Variants in ARHGEF10L observed in about 807,000 individuals in gnomAD.
ARHGEF10L encodes Rho guanine nucleotide exchange factor 10 like, also known as rho guanine nucleotide exchange factor 10-like protein.
In ARHGEF10L, 69 loss-of-function variants were observed where a neutral mutation model predicts 141.2. That is an observed-to-expected ratio of 0.49 (90% confidence interval 0.40 to 0.60). The LOEUF is 0.60. Ranked by LOEUF, ARHGEF10L falls within the 20% of genes least tolerant of loss-of-function variation. ARHGEF10L has a pLI of 0.00. For synonymous variants in ARHGEF10L, 711 were observed against 718.5 expected (o/e 0.99, Z 0.17); for missense variants, 1,482 against 1,734.3 (o/e 0.85, Z 2.58).
At chr1:17,609,097 A>G (rs1174300052) in intron 7 of ARHGEF10L, among the ~76,000 whole-genome samples, 3 of 152,258 alleles carry the variant, frequency 2.0e-5, no homozygotes, top group Admixed American at 2.0e-4. Flanking sequence ...GCTCCTTTTA[A>G]AAGATGTAGC....
Position 17,625,858 on chromosome 1 carries a change from T to C in ARHGEF10L, c.1318-98T>C, listed in dbSNP as rs566281322. On this transcript the variant is annotated intron_variant, in intron 13 of 28. Transcript: ENST00000361221. This position sits in a 1 kb window ranked among gnomAD's most constrained non-coding sequence, Gnocchi z 4.5. ...CAGGGATAGGCAGGGTCTTAGGGCCTGGGGAGAGGAGCCCAGAATGGGGAC... is the reference window on the plus strand; with the variant it reads ...CAGGGATAGGCAGGGTCTTAGGGCCCGGGGAGAGGAGCCCAGAATGGGGAC... The C allele has an allele frequency of 1.7e-5, 18 of 1,054,860 alleles. No homozygotes were observed. In the East Asian group the frequency reaches 4.1e-4, roughly 24 times the overall value. The allele number at this position is 1,054,860 out of a possible 1,614,324, so 65.3% of individuals were successfully genotyped here.
At chr1:17,548,646 C>CTTTTTTTTT (rs892480738) in intron 1 of ARHGEF10L, among the ~76,000 whole-genome samples, 3 of 88,322 alleles carry the variant, frequency 3.4e-5, no homozygotes, top group African/African-American at 9.6e-5. Context: ...CAAAATAATT[C>CTTTTTTTTT]TTTTTTTTTT....
At position 17,550,625 on chromosome 1, in the gene ARHGEF10L, G is replaced by A. The variant is rs564079354; in HGVS notation, c.-44+10675G>A. ...GCCATTGCAGTATAGTGTGGGCAAC[G>A]AGAGTGAAACTCCATCTCAAAAACG... On this transcript the variant is annotated intron_variant, in intron 1 of 28. Coordinates refer to ENST00000361221, the MANE Select transcript of ARHGEF10L (RefSeq NM_018125.4). Among the ~76,000 whole-genome samples, 10 of 145,368 alleles carry A rather than the reference G, an allele frequency of 6.9e-5. No homozygotes were observed. The South Asian group carries it at 1.6e-3, about 23-fold the overall frequency.
intron 9 of ARHGEF10L, among the ~76,000 whole-genome samples, chr1:17,618,057 G>T (rs1390794518): frequency 6.6e-6 from 1 of 152,226 alleles, no homozygotes; most frequent in African/African-American, 2.4e-5. Flanking sequence ...CCTGGCACAG[G>T]CTGGGTGCTC....
At chr1:17,570,150 T>A (rs1277089316) in intron 1 of ARHGEF10L, among the ~76,000 whole-genome samples, 1 of 152,256 alleles carries the variant, frequency 6.6e-6, no homozygotes, top group Non-Finnish European at 1.5e-5. Context: ...TTGGGTCGCC[T>A]GTGTGTCAGG....
intron 10 of ARHGEF10L, among the ~76,000 whole-genome samples, chr1:17,620,819 G>A (rs541691296): frequency 2.4e-4 from 37 of 152,306 alleles, no homozygotes; most frequent in African/African-American, 8.7e-4. Flanking sequence ...CCTGTGAGCA[G>A]CGTCCTAACT....
chr1:17,526,575 G>A, the ARHGEF10L span, among the ~76,000 whole-genome samples: 1,179 of 152,210 alleles, frequency 7.7e-3, 14 homozygotes, highest in African/African-American at 0.026. Flanking sequence ...CCATATCTTG[G>A]CACCAGGGTT....
chr1:17,668,212 C>T (rs1019827520), intron 26 of ARHGEF10L, among the ~76,000 whole-genome samples: 1 of 152,224 alleles, frequency 6.6e-6, no homozygotes, highest in African/African-American at 2.4e-5. Context: ...CTGTATATGT[C>T]GTTTATTTGG....
At chr1:17,694,754 C>G (rs560453790) in intron 27 of ARHGEF10L, 17 of 367,600 alleles carry the variant, frequency 4.6e-5, no homozygotes, top group Non-Finnish European at 8.6e-5. Flanking sequence ...GAAGCTTGCA[C>G]CTCCCCAGTC....
chr1:17,546,529 G>C (rs1298000546), intron 1 of ARHGEF10L, among the ~76,000 whole-genome samples: 1 of 152,154 alleles, frequency 6.6e-6, no homozygotes, highest in Non-Finnish European at 1.5e-5. Context: ...AGGGCACTGT[G>C]TTTGTAAGTG....
At chr1:17,624,589 G>A (rs1390431957) in intron 13 of ARHGEF10L, 86 bp downstream of exon 13, 9 of 1,070,296 alleles carry the variant, frequency 8.4e-6, no homozygotes, top group Non-Finnish European at 1.3e-5. Context: ...CCCAGCTTTG[G>A]GTATGACATC....
At chr1:17,588,934 G>C (rs552765193) in intron 4 of ARHGEF10L, among the ~76,000 whole-genome samples, 102 of 126,946 alleles carry the variant, frequency 8.0e-4, no homozygotes, top group Non-Finnish European at 1.6e-3. Context: ...AGGGTGGGGG[G>C]GGTGCAGCCC....
At chr1:17,601,627 G>C (rs1246868081) in intron 4 of ARHGEF10L, among the ~76,000 whole-genome samples, 1 of 152,122 alleles carries the variant, frequency 6.6e-6, no homozygotes, top group Non-Finnish European at 1.5e-5. Flanking sequence ...TGTATTTTTA[G>C]TAGAGACGGA....
At chr1:17,542,759 T>A (rs943054883) in intron 1 of ARHGEF10L, among the ~76,000 whole-genome samples, 4 of 152,186 alleles carry the variant, frequency 2.6e-5, no homozygotes, top group African/African-American at 7.2e-5. Flanking sequence ...ATATCCATCT[T>A]ACAGATGAGG....
chr1:17,634,442 T>G, intron 16 of ARHGEF10L, 106 bp from the exon 17 acceptor site: 2 of 1,576,114 alleles, frequency 1.3e-6, no homozygotes, highest in Non-Finnish European at 1.7e-6. Context: ...TCTCCTTCTA[T>G]TCCCGATGCC....
Position 17,637,705 on chromosome 1 carries a change from C to T in ARHGEF10L, c.1928-183C>T, listed in dbSNP as rs191127878. Among the ~76,000 whole-genome samples the T allele has an allele frequency of 3.5e-3, 534 of 152,236 alleles. 7 individuals carry two copies. The highest frequency in any genetic ancestry group is 4.5e-3 in the Non-Finnish European group (308 of 68,016). On this transcript the variant is annotated intron_variant, in intron 18 of 28. Coordinates refer to ENST00000361221, the MANE Select transcript of ARHGEF10L (RefSeq NM_018125.4). Reference sequence around the variant, plus strand: ...TTTTTTAGTACAGACGGGGTTTCACCGTATTAGCCAGGATGGTCTCGATCT... The same window carrying T: ...TTTTTTAGTACAGACGGGGTTTCACTGTATTAGCCAGGATGGTCTCGATCT...
chr1:17,560,951 G>A (rs1416082957), intron 1 of ARHGEF10L, among the ~76,000 whole-genome samples: 2 of 152,204 alleles, frequency 1.3e-5, no homozygotes, highest in African/African-American at 2.4e-5. Context: ...GAGCTGACAC[G>A]TGAGCAAGAG....
intron 1 of ARHGEF10L, among the ~76,000 whole-genome samples, chr1:17,547,922 T>C (rs1465278279): frequency 1.3e-5 from 2 of 152,040 alleles, no homozygotes; most frequent in Non-Finnish European, 2.9e-5. Context: ...GTTCTGGGAG[T>C]AGACGCTGGG....
Position 17,625,694 on chromosome 1 carries a change from T to C in ARHGEF10L, c.1318-262T>C, listed in dbSNP as rs2060342845. Reference sequence around the variant, plus strand: ...GACATCTTGAATAAATTGCTGAGTTTCCCAGTTATGCCTTTAGTTCAGAGA... The same window carrying C: ...GACATCTTGAATAAATTGCTGAGTTCCCCAGTTATGCCTTTAGTTCAGAGA... On this transcript the variant is annotated intron_variant, in intron 13 of 28. Coordinates refer to ENST00000361221, the MANE Select transcript of ARHGEF10L (RefSeq NM_018125.4). The surrounding 1 kb of genome is among the most constrained non-coding windows in gnomAD (Gnocchi z 4.5). Among the ~76,000 whole-genome samples the C allele has an allele frequency of 6.6e-6, 1 of 152,188 alleles. No individual in the cohort carries two copies. The highest frequency in any genetic ancestry group is 2.4e-5 in the African/African-American group (1 of 41,452).
Sources: allele counts gnomAD v4.1 joint callset (sites outside exome capture counted in the v4.1 genomes callset), GRCh38; gene constraint gnomAD v4.1.1; non-coding constraint Gnocchi (gnomAD v3.1); transcripts MANE v1.5; gene names NCBI Gene and HGNC (gene_info 2026-07-23, HGNC 2026-07-21).